ATG3: variants seen among roughly 807,000 people sequenced by gnomAD.
ATG3 encodes the protein ubiquitin-like-conjugating enzyme ATG3.
ATG3 carries 25 observed loss-of-function variants against 50.7 expected under a neutral mutation model. The ratio of observed to expected loss-of-function variants is 0.49; its 90% CI spans 0.36 to 0.69. The LOEUF is 0.69. ATG3 is among the 30% of genes least tolerant of loss of function. The pLI is 0.00. For missense variants in ATG3, 281 were observed against 376.0 expected (o/e 0.75, Z 2.09); for synonymous variants, 119 against 125.5 (o/e 0.95, Z 0.34).
At chr3:112,557,835 G>A (rs35709173) in intron 2 of ATG3, among the ~76,000 whole-genome samples, 10,300 of 151,716 alleles carry the variant, frequency 0.068, 441 homozygotes, top group Admixed American at 0.12. Flanking sequence ...AAAAATTCAA[G>A]CTTAAATAAA....
chr3:112,555,850 T>C (rs1933656368), intron 2 of ATG3, among the ~76,000 whole-genome samples: 1 of 152,308 alleles, frequency 6.6e-6, no homozygotes, highest in South Asian at 2.1e-4. Flanking sequence ...CATAAATTGA[T>C]TGATGTTGTA....
intron 10 of ATG3, 163 bp downstream of exon 10, chr3:112,536,312 A>T: frequency 2.6e-6 from 2 of 773,542 alleles, no homozygotes; most frequent in Non-Finnish European, 2.0e-6. Context: ...TTTTTCTTAT[A>T]TATTTAAGCA....
chr3:112,534,452 A>G (rs529708153), intron 10 of ATG3, 115 bp from the exon 11 acceptor site: 1 of 653,320 alleles, frequency 1.5e-6, no homozygotes, highest in South Asian at 4.5e-5. Context: ...ATTAATTTTT[A>G]ATAGTTATAT....
At chr3:112,538,291 G>C in intron 7 of ATG3, 111 bp from the exon 8 acceptor site, 2 of 791,242 alleles carry the variant, frequency 2.5e-6, no homozygotes, top group Non-Finnish European at 2.0e-6. Context: ...TTTTGCCTTT[G>C]TTTTTAAGTG....
intron 6 of ATG3, among the ~76,000 whole-genome samples, chr3:112,542,804 T>C (rs1559844451): frequency 6.6e-6 from 1 of 152,006 alleles, no homozygotes; most frequent in Admixed American, 6.5e-5. Flanking sequence ...CAAAAAATAC[T>C]AAAGGAATTA....
Position 112,544,084 on chromosome 3 carries a change from G to A in ATG3, c.366C>T (p.Ala122=), listed in dbSNP as rs369697154. Residue 122 remains alanine (A), a synonymous_variant, in exon 6 of 12, where the codon GCC becomes GCT. Coordinates refer to ENST00000283290, the MANE Select transcript of ATG3 (RefSeq NM_022488.5). ...TATTTTCCAGTGTGATCTCTTTAAC[G>A]GCTTCCGTTATTCCTGTAATACCTA... ...HNTGITGITE[A]VKEITLENKD... The A allele has an allele frequency of 1.7e-5, 27 of 1,602,804 alleles. No homozygotes were observed. Among genetic ancestry groups the A allele is most frequent in the South Asian group, 6.6e-5 (6 of 90,594 alleles).
At chr3:112,549,220 G>A (rs1380143167) in intron 4 of ATG3, among the ~76,000 whole-genome samples, 1 of 152,104 alleles carries the variant, frequency 6.6e-6, no homozygotes, top group African/African-American at 2.4e-5. Context: ...CAATTAACAG[G>A]TATTATTATT....
At chr3:112,540,211 A>C (rs1290608812) in intron 7 of ATG3, among the ~76,000 whole-genome samples, 2 of 152,234 alleles carry the variant, frequency 1.3e-5, no homozygotes, top group Non-Finnish European at 2.9e-5. Flanking sequence ...ATCTCACTAA[A>C]ATTTAGGAAC....
chr3:112,557,682 T>C (rs1438970529), intron 2 of ATG3, among the ~76,000 whole-genome samples: 1 of 151,970 alleles, frequency 6.6e-6, no homozygotes, highest in African/African-American at 2.4e-5. Flanking sequence ...AACTGAAAAT[T>C]GAAAGATCAG....
chr3:112,534,760 G>A (rs540942327), intron 10 of ATG3: 4 of 118,410 alleles, frequency 3.4e-5, no homozygotes, highest in African/African-American at 1.3e-4. Context: ...AGAAACAAGA[G>A]TCATATCAGG....
At chr3:112,559,633 A>G (rs1933784503) in intron 1 of ATG3, among the ~76,000 whole-genome samples, 1 of 152,246 alleles carries the variant, frequency 6.6e-6, no homozygotes, top group African/African-American at 2.4e-5. Context: ...GGAAAGGAAC[A>G]TGCCATAAGG....
At chr3:112,557,144 A>G (rs893830928) in intron 2 of ATG3, among the ~76,000 whole-genome samples, 1 of 145,912 alleles carries the variant, frequency 6.9e-6, no homozygotes, top group Non-Finnish European at 1.5e-5. Flanking sequence ...TATGCAAACC[A>G]TTTTTTTTTT....
In ATG3 at chr3:112,561,756, G is replaced by A; in HGVS notation, c.-228C>T. 1 of 533,490 alleles carries A rather than the reference G, an allele frequency of 1.9e-6. No individual in the cohort carries two copies. The highest frequency in any genetic ancestry group is 3.3e-6 in the Non-Finnish European group (1 of 305,140). The allele number at this position is 533,490 out of a possible 1,614,324, so 33.0% of individuals were successfully genotyped here. ...GCGATCCTCGCACCCCAGGCAGCCCGCGACGGACCGGACCCAGCTGTCACC... is the reference window on the plus strand; with the variant it reads ...GCGATCCTCGCACCCCAGGCAGCCCACGACGGACCGGACCCAGCTGTCACC... On this transcript the variant is annotated 5_prime_UTR_variant, in exon 1 of 12. Coordinates refer to ENST00000283290, the MANE Select transcript of ATG3 (RefSeq NM_022488.5).
At chr3:112,561,400 G>C in intron 1 of ATG3, 57 bp downstream of exon 1, 2 of 1,566,646 alleles carry the variant, frequency 1.3e-6, no homozygotes, top group South Asian at 2.2e-5. Flanking sequence ...GCGGCGCCTG[G>C]TCCCTGAAAA....
chr3:112,533,957 C>T lies in ATG3; in HGVS notation c.863+312G>A, dbSNP rs907674292. 4.5e-6 allele frequency: 5 copies of T among 1,116,122 alleles called. No individual in the cohort carries two copies. In the African/African-American group the frequency reaches 8.1e-5, roughly 18 times the overall value. The allele number at this position is 1,116,122 out of a possible 1,614,324, so 69.1% of individuals were successfully genotyped here. Reference sequence around the variant, plus strand: ...TTTACTTTTACCTGATGGGAAAGTACATTTTTGGTAACATGTTAAACTGGA... The same window carrying T: ...TTTACTTTTACCTGATGGGAAAGTATATTTTTGGTAACATGTTAAACTGGA... On this transcript the variant is annotated intron_variant, in intron 11 of 11. Transcript: ENST00000283290.
rs1933300899 is a variant in ATG3, at chr3:112,543,987, G to A, written c.393+70C>T. The A allele has an allele frequency of 5.3e-6, 6 of 1,125,584 alleles. 1 individual carries two copies. The East Asian group carries it at 1.4e-4, about 27-fold the overall frequency. 69.7% of individuals were successfully genotyped at this position (1,125,584 alleles called of 1,614,324 possible). A position where few individuals can be genotyped will look rare whatever the true frequency, so the allele number is the denominator to read the frequency against. ...AGAAAGATATGGTGATTATATATGT[G>A]TGTGTATAGATAGATAGATAGGCAA... On this transcript the variant is annotated intron_variant, in intron 6 of 11. Coordinates refer to ENST00000283290, the MANE Select transcript of ATG3 (RefSeq NM_022488.5).
rs926803097 is a variant in ATG3 at position 112,560,592 on chromosome 3, C to A, written c.72+865G>T. ...CTTAAAAACAACTAGAAAAAAAAAACAAAAACTAAGCAAGAACTTCCCATT... is the reference window on the plus strand; with the variant it reads ...CTTAAAAACAACTAGAAAAAAAAAAAAAAAACTAAGCAAGAACTTCCCATT... On this transcript the variant is annotated intron_variant, in intron 1 of 11. Coordinates refer to ENST00000283290, the MANE Select transcript of ATG3 (RefSeq NM_022488.5). Among the ~76,000 whole-genome samples the A allele has an allele frequency of 7.3e-5, 11 of 150,540 alleles. No individual in the cohort carries two copies. The South Asian group carries it at 1.3e-3, about 17-fold the overall frequency.
chr3:112,552,737 A>C (rs1277841509), intron 3 of ATG3, among the ~76,000 whole-genome samples: 2 of 148,518 alleles, frequency 1.3e-5, no homozygotes, highest in Non-Finnish European at 3.0e-5. Flanking sequence ...TGCAAGCTCC[A>C]CCTCCCAGGT....
In ATG3 at chr3:112,532,690, C is replaced by A; in HGVS notation, c.*9G>T. The stretch of plus-strand genomic sequence containing the variant: ...ACCAATAATTAGGATAGATTTTATG[C>A]TCTCTTCATTACATTGTGAAGTGTC... On this transcript the variant is annotated 3_prime_UTR_variant, in exon 12 of 12. Coordinates refer to ENST00000283290, the MANE Select transcript of ATG3 (RefSeq NM_022488.5). The A allele has an allele frequency of 6.5e-7, 1 of 1,548,694 alleles. No individual in the cohort carries two copies. The highest frequency in any genetic ancestry group is 1.2e-5 in the South Asian group (1 of 82,258).
Sources: allele counts gnomAD v4.1 joint callset (sites outside exome capture counted in the v4.1 genomes callset), GRCh38; gene constraint gnomAD v4.1.1; transcripts MANE v1.5; gene names NCBI Gene and HGNC (gene_info 2026-07-23, HGNC 2026-07-21).